Variants in TMEM50B observed in about 807,000 individuals in gnomAD.
TMEM50B encodes the protein transmembrane protein 50B.
A neutral mutation model predicts 23.4 loss-of-function variants in TMEM50B; 14 were observed. The ratio of observed to expected loss-of-function variants is 0.60; its 90% CI spans 0.39 to 0.93. TMEM50B has a LOEUF of 0.93. Ranked by LOEUF, TMEM50B falls within the 40% of genes least tolerant of loss-of-function variation. The probability of loss-of-function intolerance (pLI) is 0.00; values close to 1 mark genes in which losing one functional copy is unlikely to be tolerated. For synonymous variants in TMEM50B, 64 were observed against 62.3 expected, an observed-to-expected ratio of 1.03 and a Z score of -0.13; for missense variants, 159 against 193.0, an observed-to-expected ratio of 0.82 and a Z score of 1.04.
intron 1 of TMEM50B, among the ~76,000 whole-genome samples, chr21:33,477,153 G>A (rs2084381056): frequency 6.6e-6 from 1 of 152,032 alleles, no homozygotes; most frequent in Admixed American, 6.6e-5. Context: ...ACAAAAATTA[G>A]GCATGGTGGC....
At position 33,437,012 on chromosome 21, in the gene TMEM50B, C is replaced by T. The variant is rs370497329; in HGVS notation, c.*2120+2202G>A. ...GGCTCCCTGGAAGAGATCAAGCCAT[C>T]GGAGCTGCTAGAGTTCTGTCTGGAC... On this transcript the variant is annotated intron_variant and NMD_transcript_variant, in intron 8 of 8. Coordinates refer to the TMEM50B transcript ENST00000420455. 77 of 1,602,562 alleles carry T rather than the reference C, an allele frequency of 4.8e-5. 1 individual carries two copies. In the Middle Eastern group the frequency reaches 5.1e-4, roughly 11 times the overall value.
intron 4 of TMEM50B, among the ~76,000 whole-genome samples, chr21:33,464,821 A>C (rs909718976): frequency 1.2e-4 from 18 of 148,904 alleles, no homozygotes; most frequent in African/African-American, 4.2e-4. Context: ...AAAAAAAAAA[A>C]AAACAAAAAT....
At position 33,451,811 on chromosome 21, in the gene TMEM50B, G is replaced by A. The variant is rs560011747; in HGVS notation, c.432-948C>T. On this transcript the variant is annotated intron_variant, in intron 6 of 6. Transcript: ENST00000542230. ...GTACACATGAGTTCACCCAGGGACA[G>A]AAAAATAACAAGGAGTTTCTTAAGG... 1.3e-4 allele frequency among the ~76,000 whole-genome samples: 20 copies of A among 148,892 alleles called. 1 individual carries two copies. The East Asian group carries it at 3.4e-3, about 26-fold the overall frequency.
intron 1 of TMEM50B, among the ~76,000 whole-genome samples, chr21:33,474,185 G>A (rs1049814242): frequency 2.6e-5 from 4 of 151,324 alleles, no homozygotes; most frequent in Admixed American, 6.6e-5. Flanking sequence ...GTTTTTTGGG[G>A]GGCAGGGGAG....
chr21:33,461,433 T>C (rs1322303940), intron 4 of TMEM50B, among the ~76,000 whole-genome samples: 1 of 152,224 alleles, frequency 6.6e-6, no homozygotes, highest in Non-Finnish European at 1.5e-5. Flanking sequence ...CAGTAATGTT[T>C]AGTTCTTTGG....
At chr21:33,449,077 T>C (rs555895079), downstream of TMEM50B, 14 of 152,340 alleles carry the variant, frequency 9.2e-5, no homozygotes, top group Non-Finnish European at 1.0e-4. Context: ...ACTTGAATAA[T>C]TGAAAACTGA....
intron 2 of TMEM50B, 69 bp downstream of exon 2, chr21:33,468,718 A>C (rs1256234276): frequency 8.0e-6 from 10 of 1,246,166 alleles, no homozygotes; most frequent in Admixed American, 1.9e-5. Flanking sequence ...CTCAGTTCAA[A>C]GGAACCGGCA....
At chr21:33,476,210 GCCCGTCTC>G in intron 1 of TMEM50B, among the ~76,000 whole-genome samples, 1 of 151,952 alleles carries the variant, frequency 6.6e-6, no homozygotes. Context: ...CCTGACAAAA[GCCCGTCTC>G]TACTAAGAAT....
chr21:33,462,985 T>C (rs2084230824), intron 4 of TMEM50B, among the ~76,000 whole-genome samples: 1 of 152,192 alleles, frequency 6.6e-6, no homozygotes, highest in Non-Finnish European at 1.5e-5. Flanking sequence ...AAAATCTACA[T>C]CAGCATTTAA....
At chr21:33,453,861 T>C (rs1205068290) in intron 6 of TMEM50B, among the ~76,000 whole-genome samples, 2 of 152,106 alleles carry the variant, frequency 1.3e-5, no homozygotes, top group Admixed American at 6.6e-5. Context: ...CCTACCACTT[T>C]GGGAGGCTGA....
At chr21:33,454,299 A>AATT (rs1013672727) in intron 6 of TMEM50B, among the ~76,000 whole-genome samples, 5 of 151,990 alleles carry the variant, frequency 3.3e-5, no homozygotes, top group East Asian at 3.9e-4. Flanking sequence ...ACTATGTATT[A>AATT]ATTATTATTA....
chr21:33,465,151 A>C (rs1486790646), intron 4 of TMEM50B, 191 bp downstream of exon 4: 4 of 486,860 alleles, frequency 8.2e-6, no homozygotes, highest in African/African-American at 4.0e-5. Flanking sequence ...TAACATGACA[A>C]AAACAGTAAC....
intron 3 of TMEM50B, among the ~76,000 whole-genome samples, chr21:33,466,380 AT>A (rs1484309907): frequency 6.6e-6 from 1 of 152,236 alleles, no homozygotes; most frequent in Non-Finnish European, 1.5e-5. Flanking sequence ...ATGAGGTAAC[AT>A]AAACTTAAAA....
At chr21:33,450,991 T>C in intron 6 of TMEM50B, 128 bp from the exon 7 acceptor site, 1 of 718,886 alleles carries the variant, frequency 1.4e-6, no homozygotes, top group Non-Finnish European at 2.3e-6. Flanking sequence ...AAATTAGACA[T>C]CATGGCAGTG....
intron 6 of TMEM50B, among the ~76,000 whole-genome samples, chr21:33,455,414 A>C (rs2084160264): frequency 6.6e-6 from 1 of 152,066 alleles, no homozygotes; most frequent in Non-Finnish European, 1.5e-5. Flanking sequence ...TTAAACTCCT[A>C]GACTTAAGCA....
At chr21:33,461,710 C>G (rs1256444736) in intron 4 of TMEM50B, among the ~76,000 whole-genome samples, 1 of 151,260 alleles carries the variant, frequency 6.6e-6, no homozygotes, top group Non-Finnish European at 1.5e-5. Flanking sequence ...GAGGCTGAGG[C>G]AAGAGAATTG....
At chr21:33,446,662 A>AC (rs1188853466), downstream of TMEM50B, among the ~76,000 whole-genome samples, 286 of 146,732 alleles carry the variant, frequency 1.9e-3, 5 homozygotes, top group Middle Eastern at 3.4e-3. Flanking sequence ...ACACAAAAAA[A>AC]AAAAAAAAAA....
intron 8 of TMEM50B, among the ~76,000 whole-genome samples, chr21:33,434,699 A>G (rs1421004861): frequency 1.3e-5 from 2 of 152,120 alleles, no homozygotes; most frequent in Non-Finnish European, 2.9e-5. Flanking sequence ...AACCCTAGTC[A>G]CTTGTTCCTT....
intron 5 of TMEM50B, chr21:33,456,232 A>G (rs2084167486): frequency 5.3e-5 from 21 of 399,944 alleles, no homozygotes; most frequent in South Asian, 4.1e-4. Flanking sequence ...TATATTGCCC[A>G]GACTGGAGTG....
Sources: gnomAD v4.1 joint callset for allele counts (sites outside exome capture counted in the v4.1 genomes callset) on GRCh38, gnomAD v4.1.1 for gene constraint, MANE v1.5 for transcripts, NCBI Gene and HGNC (gene_info 2026-07-23, HGNC 2026-07-21) for gene names.